Variants in TEX14 observed in about 807,000 individuals in gnomAD.
TEX14 encodes the protein inactive serine/threonine-protein kinase TEX14.
TEX14 carries 168 observed loss-of-function variants against 178.6 expected under a neutral mutation model. The ratio of observed to expected loss-of-function variants is 0.94; its 90% CI spans 0.83 to 1.07. The LOEUF (loss-of-function observed/expected upper bound fraction) is 1.07, where lower values mean the gene tolerates loss of function less well. Among genes scored for constraint, TEX14 ranks in the 50% least tolerant of loss-of-function variants. The probability of loss-of-function intolerance (pLI) is 0.00; values close to 1 mark genes in which losing one functional copy is unlikely to be tolerated. For synonymous variants in TEX14, 626 were observed against 634.1 expected (o/e 0.99, Z 0.19); for missense variants, 1,730 against 1,753.6 (o/e 0.99, Z 0.24).
At chr17:58,682,906 A>C (rs1449933977) in intron 1 of TEX14, among the ~76,000 whole-genome samples, 1 of 152,266 alleles carries the variant, frequency 6.6e-6, no homozygotes, top group Admixed American at 6.5e-5. Context: ...CTTTGAGAAG[A>C]GCCTCATTTC....
At chr17:58,660,160 T>A (rs914030712) in intron 1 of TEX14, among the ~76,000 whole-genome samples, 6 of 150,788 alleles carry the variant, frequency 4.0e-5, no homozygotes, top group African/African-American at 9.7e-5. Flanking sequence ...ATCCCAGCAC[T>A]TTGGGAGGCC....
intron 1 of TEX14, among the ~76,000 whole-genome samples, chr17:58,676,603 T>C (rs1012945966): frequency 6.6e-6 from 1 of 151,994 alleles, no homozygotes; most frequent in Non-Finnish European, 1.5e-5. Context: ...CAAACTACTA[T>C]GTCAGAACCT....
At chr17:58,562,063 T>G (rs750858030) in intron 28 of TEX14, among the ~76,000 whole-genome samples, 1 of 151,992 alleles carries the variant, frequency 6.6e-6, no homozygotes, top group Non-Finnish European at 1.5e-5. Flanking sequence ...CTAGCCTGGG[T>G]GACAGAGCAA....
chr17:58,602,733 A>G (rs531214067), intron 11 of TEX14, 143 bp from the exon 12 acceptor site: 1 of 633,458 alleles, frequency 1.6e-6, no homozygotes, highest in Admixed American at 3.1e-5. Context: ...TACTTTAGAA[A>G]CAATTCATTT....
At chr17:58,579,395 G>A (rs2044756105) in intron 20 of TEX14, among the ~76,000 whole-genome samples, 1 of 152,186 alleles carries the variant, frequency 6.6e-6, no homozygotes, top group Non-Finnish European at 1.5e-5. Context: ...AGAGACCAAA[G>A]GGGGAAAAAG....
intron 20 of TEX14, among the ~76,000 whole-genome samples, chr17:58,578,919 T>A (rs779341884): frequency 6.6e-6 from 1 of 152,228 alleles, no homozygotes; most frequent in African/African-American, 2.4e-5. Context: ...GTTTAGACGG[T>A]TGAGACATGA....
intron 1 of TEX14, among the ~76,000 whole-genome samples, chr17:58,673,608 T>C (rs898861424): frequency 2.6e-5 from 4 of 152,132 alleles, no homozygotes; most frequent in African/African-American, 4.8e-5. Context: ...CCCAGGCTGG[T>C]TGGAATGCAG....
chr17:58,608,475 A>G (rs1240837484), intron 10 of TEX14, among the ~76,000 whole-genome samples: 1 of 151,524 alleles, frequency 6.6e-6, no homozygotes, highest in African/African-American at 2.4e-5. Flanking sequence ...CCAGCTACTC[A>G]GGAAGCTGAG....
At chr17:58,628,888 A>G (rs1311540569) in intron 3 of TEX14, among the ~76,000 whole-genome samples, 1 of 145,532 alleles carries the variant, frequency 6.9e-6, no homozygotes, top group Non-Finnish European at 1.5e-5. Flanking sequence ...CCATCACAAG[A>G]AAAAAAAAAA....
intron 12 of TEX14, 144 bp from the exon 13 acceptor site, chr17:58,602,100 G>T: frequency 1.2e-6 from 1 of 838,572 alleles, no homozygotes; most frequent in Non-Finnish European, 1.8e-6. Context: ...CTAGTTTATT[G>T]TTATTGCCAA....
At chr17:58,626,861 CTT>C (rs1240268053) in intron 3 of TEX14, among the ~76,000 whole-genome samples, 1 of 152,116 alleles carries the variant, frequency 6.6e-6, no homozygotes, top group Non-Finnish European at 1.5e-5. Context: ...CAGAGTGAGA[CTT>C]CATCAAAAAC....
At chr17:58,640,292 C>T (rs1279559545) in intron 2 of TEX14, among the ~76,000 whole-genome samples, 3 of 147,436 alleles carry the variant, frequency 2.0e-5, no homozygotes, top group Non-Finnish European at 3.0e-5. Flanking sequence ...GGTGACACAG[C>T]GAGACTCTGT....
At position 58,565,807 on chromosome 17, in the gene TEX14, GCT is replaced by G; in HGVS notation, c.3902_3903del (p.Gln1301ProfsTer9). 6.2e-7 allele frequency: 1 copy of G among 1,607,540 alleles called. No individual in the cohort carries two copies. Among genetic ancestry groups the G allele is most frequent in the Non-Finnish European group, 8.5e-7 (1 of 1,177,304 alleles). ...LLDDIELLKQ[Q>X]QGSSTVLHEN... ...TCATGCAACACCGTGGATGAGCCCT[GCT>G]GCTGTTTCAAGAGCTCTGTCACAAC... On this transcript the variant is annotated frameshift_variant, in exon 27 of 32. Transcript: ENST00000349033. LOFTEE classifies it high-confidence loss of function.
intron 11 of TEX14, 113 bp downstream of exon 11, chr17:58,604,865 A>C (rs1195554754): frequency 8.0e-7 from 1 of 1,245,756 alleles, no homozygotes; most frequent in Non-Finnish European, 1.1e-6. Context: ...CCAGCCAAGA[A>C]GTCTCTTTTT....
chr17:58,592,287 T>G (rs928161269), intron 15 of TEX14, among the ~76,000 whole-genome samples: 3 of 151,692 alleles, frequency 2.0e-5, no homozygotes, highest in Admixed American at 6.6e-5. Flanking sequence ...TGGAGTGCAG[T>G]GGTGCCATCT....
intron 1 of TEX14, among the ~76,000 whole-genome samples, chr17:58,674,332 A>G (rs2047354976): frequency 6.6e-6 from 1 of 151,850 alleles, no homozygotes; most frequent in African/African-American, 2.4e-5. Flanking sequence ...AACTAATCCT[A>G]TTGAACCCAC....
rs769665585 is a variant in TEX14 at position 58,559,509 on chromosome 17, T to C, written c.4211A>G (p.Asp1404Gly). 5.7e-6 allele frequency: 9 copies of C among 1,578,544 alleles called. No homozygotes were observed. The highest frequency in any genetic ancestry group is 7.8e-6 in the Non-Finnish European group (9 of 1,148,876). The change falls in exon 30 of 32, where the codon GAT (aspartate) becomes GGT (glycine). Residue 1404 changes from aspartate to glycine, a missense_variant. Physicochemically the swap from Asp to Gly is moderately conservative, Grantham distance 94. Coordinates refer to ENST00000349033, the MANE Select transcript of TEX14 (RefSeq NM_031272.5). ...TTTCCTTCTTTCTGGTGTAATGCTA[T>C]CTTCCCTTTTTCTTTTCTCTTCACC... ...KVGEEKRKRE[D>G]SITPERRKSE...
intron 2 of TEX14, among the ~76,000 whole-genome samples, chr17:58,651,441 C>A (rs549677344): frequency 4.6e-5 from 7 of 152,146 alleles, no homozygotes; most frequent in Non-Finnish European, 7.4e-5. Context: ...CTGCCTGTAT[C>A]CTTCAGCTAG....
chr17:58,573,228 G>A lies in TEX14; in HGVS notation c.3464C>T (p.Pro1155Leu), dbSNP rs372432478. 3 of 1,614,126 alleles carry A rather than the reference G, an allele frequency of 1.9e-6. No individual in the cohort carries two copies. Among genetic ancestry groups the A allele is most frequent in the South Asian group, 2.2e-5 (2 of 91,080 alleles). Residue 1155 changes from proline to leucine, a missense_variant, in exon 23 of 32, where the codon CCC becomes CTC. Around this residue, in one of 2 missense-constraint regions of TEX14, gnomAD observed 941 missense variants for 1,072.4 expected, o/e 0.88. Coordinates refer to ENST00000349033, the MANE Select transcript of TEX14 (RefSeq NM_031272.5). Reference sequence around the variant, plus strand: ...ACTGGTAGGTGCATGGTTTATTTTGGGTGTTTTGCATGAAGCTTCCTTAAA... The same window carrying A: ...ACTGGTAGGTGCATGGTTTATTTTGAGTGTTTTGCATGAAGCTTCCTTAAA... ...SSFKEASCKT[P>L]KINHAPTSVS...
Sources: allele counts gnomAD v4.1 joint callset (sites outside exome capture counted in the v4.1 genomes callset), GRCh38; gene constraint gnomAD v4.1.1; regional missense constraint gnomAD v4.1.1; transcripts MANE v1.5; gene names NCBI Gene and HGNC (gene_info 2026-07-23, HGNC 2026-07-21).